RIMBP2: variants seen among roughly 807,000 people sequenced by gnomAD.
RIMBP2 encodes RIMS-binding protein 2.
In RIMBP2, 48 loss-of-function variants were observed where a neutral mutation model predicts 118.6. The observed-to-expected ratio is 0.40, with a 90% CI of 0.32 to 0.51. The LOEUF (loss-of-function observed/expected upper bound fraction) is 0.51, where lower values mean the gene tolerates loss of function less well. RIMBP2 is among the 20% of genes least tolerant of loss of function. RIMBP2 has a pLI of 0.41. For synonymous variants in RIMBP2, 762 were observed against 742.9 expected (o/e 1.03, Z -0.42); for missense variants, 1,551 against 1,768.3 (o/e 0.88, Z 2.20).
At chr12:130,570,428 A>T (rs2057543614) in intron 2 of RIMBP2, among the ~76,000 whole-genome samples, 1 of 152,208 alleles carries the variant, frequency 6.6e-6, no homozygotes, top group Non-Finnish European at 1.5e-5. Flanking sequence ...TCTGTCTCAA[A>T]AAAAGAGACC....
At chr12:130,614,241 G>A (rs1040172831) in intron 2 of RIMBP2, among the ~76,000 whole-genome samples, 2 of 152,096 alleles carry the variant, frequency 1.3e-5, no homozygotes, top group Admixed American at 1.3e-4. Context: ...AGTTACTTAC[G>A]GCCAAGGACT....
chr12:130,474,945 T>C (rs993051817), intron 5 of RIMBP2, among the ~76,000 whole-genome samples: 17 of 152,332 alleles, frequency 1.1e-4, no homozygotes, highest in African/African-American at 3.8e-4. Context: ...TAAACGTCTG[T>C]TGAGTGAATG....
Position 130,678,467 on chromosome 12 carries a change from C to T in RIMBP2, c.-352+37755G>A, listed in dbSNP as rs1479987802. 3.3e-5 allele frequency among the ~76,000 whole-genome samples: 5 copies of T among 152,204 alleles called. No homozygotes were observed. In the East Asian group the frequency reaches 5.8e-4, roughly 18 times the overall value. On this transcript the variant is annotated intron_variant, in intron 1 of 22. Transcript: ENST00000690449. Reference sequence around the variant, plus strand: ...ACAGCGTGGGTGCACCTTGGAAACACGACACCCAGTCAAAGGAGCCAGGCA... The same window carrying T: ...ACAGCGTGGGTGCACCTTGGAAACATGACACCCAGTCAAAGGAGCCAGGCA...
intron 1 of RIMBP2, among the ~76,000 whole-genome samples, chr12:130,632,554 A>G (rs536800719): frequency 1.2e-4 from 18 of 152,164 alleles, no homozygotes; most frequent in African/African-American, 3.9e-4. Flanking sequence ...TGCTTTTTCA[A>G]CCACCCTGTT....
chr12:130,432,425 A>G (rs1258783240), intron 14 of RIMBP2, among the ~76,000 whole-genome samples: 1 of 152,180 alleles, frequency 6.6e-6, no homozygotes, highest in Non-Finnish European at 1.5e-5. Context: ...AACCTGTGCT[A>G]TCGTGGCAGG....
At chr12:130,642,664 G>C (rs1476331407) in intron 1 of RIMBP2, among the ~76,000 whole-genome samples, 2 of 152,196 alleles carry the variant, frequency 1.3e-5, no homozygotes. Context: ...CGACTAACAT[G>C]CATCTATCCT....
chr12:130,702,414 G>T (rs919309210), intron 1 of RIMBP2, among the ~76,000 whole-genome samples: 1 of 152,106 alleles, frequency 6.6e-6, no homozygotes, highest in East Asian at 1.9e-4. Context: ...TACTTGGGAG[G>T]CTGAAGCAGA....
At chr12:130,699,083 T>G (rs2065712841) in intron 1 of RIMBP2, among the ~76,000 whole-genome samples, 1 of 152,102 alleles carries the variant, frequency 6.6e-6, no homozygotes, top group Admixed American at 6.6e-5. Flanking sequence ...AGGAAATAGG[T>G]GCTGGAGAGG....
chr12:130,449,866 A>T (rs959029765), intron 9 of RIMBP2, among the ~76,000 whole-genome samples: 2 of 151,938 alleles, frequency 1.3e-5, no homozygotes, highest in African/African-American at 4.8e-5. Context: ...CGGCAGCCAG[A>T]AGAGGAAAGA....
intron 1 of RIMBP2, among the ~76,000 whole-genome samples, chr12:130,678,768 C>A (rs956967186): frequency 6.6e-6 from 1 of 152,204 alleles, no homozygotes; most frequent in Non-Finnish European, 1.5e-5. Context: ...TCCAGCCCTC[C>A]TCAGCCTCCC....
At chr12:130,711,791 T>C (rs1273503400) in intron 1 of RIMBP2, among the ~76,000 whole-genome samples, 2 of 152,254 alleles carry the variant, frequency 1.3e-5, no homozygotes, top group African/African-American at 4.8e-5. Flanking sequence ...TTAACAAGGA[T>C]GCGTTCGGAG....
rs61936790 is a variant in RIMBP2, at chr12:130,646,094, T to G, written c.-351-17638A>C. Among the ~76,000 whole-genome samples, 140 of 51,092 alleles carry G rather than the reference T, an allele frequency of 2.7e-3. 1 individual carries two copies. Among genetic ancestry groups the G allele is most frequent in the Middle Eastern group, 0.013 (1 of 80 alleles). The allele number at this position is 51,092 out of a possible 152,430, so 33.5% of individuals were successfully genotyped here. On this transcript the variant is annotated intron_variant, in intron 1 of 22. Transcript: ENST00000690449. Reference sequence around the variant, plus strand: ...CTCCACCTCCCTCACCACTTCCCTCTCCACCTCCCTCTCCACCTCCCTCAC... The same window carrying G: ...CTCCACCTCCCTCACCACTTCCCTCGCCACCTCCCTCTCCACCTCCCTCAC...
At chr12:130,607,703 A>G (rs2060273904) in intron 2 of RIMBP2, among the ~76,000 whole-genome samples, 1 of 152,044 alleles carries the variant, frequency 6.6e-6, no homozygotes, top group African/African-American at 2.4e-5. Flanking sequence ...CATTGGTCAG[A>G]AACTGCTCGG....
intron 2 of RIMBP2, among the ~76,000 whole-genome samples, chr12:130,602,124 C>T (rs1007223242): frequency 6.6e-6 from 1 of 152,134 alleles, no homozygotes; most frequent in African/African-American, 2.4e-5. Flanking sequence ...TATGGCAAAA[C>T]CTCGTCTCTA....
chr12:130,623,502 T>C lies in RIMBP2; in HGVS notation c.-217+4820A>G, dbSNP rs182893250. Among the ~76,000 whole-genome samples the C allele has an allele frequency of 4.3e-4, 66 of 152,106 alleles. No homozygotes were observed. In the East Asian group the frequency reaches 0.012, roughly 28 times the overall value. On this transcript the variant is annotated intron_variant, in intron 2 of 22. Coordinates refer to ENST00000690449, the MANE Select transcript of RIMBP2 (RefSeq NM_001393629.1). This position sits in a 1 kb window ranked among gnomAD's most constrained non-coding sequence, Gnocchi z 4.1. Reference sequence around the variant, plus strand: ...ACAAGTATGTTCCCTGCTGTAGTACTGATAATAATTAGGCATGGTTAGGGG... The same window carrying C: ...ACAAGTATGTTCCCTGCTGTAGTACCGATAATAATTAGGCATGGTTAGGGG...
chr12:130,492,912 T>A (rs1388377817), intron 4 of RIMBP2, among the ~76,000 whole-genome samples: 1 of 152,206 alleles, frequency 6.6e-6, no homozygotes, highest in Non-Finnish European at 1.5e-5. Flanking sequence ...GGTGGATTGC[T>A]TGAGTCCAGA....
At position 130,410,435 on chromosome 12, in the gene RIMBP2, C is replaced by T. The variant is rs539720901; in HGVS notation, c.3589+2184G>A. On this transcript the variant is annotated intron_variant, in intron 19 of 22. Coordinates refer to ENST00000690449, the MANE Select transcript of RIMBP2 (RefSeq NM_001393629.1). ...TGTTTTAATGTCCTGTCAAAGAAAT[C>T]GTTGCCTGATTATTATAAAGTTTTC... is the stretch of plus-strand genomic sequence containing the variant. Among the ~76,000 whole-genome samples the T allele has an allele frequency of 3.3e-5, 5 of 152,192 alleles. No homozygotes were observed. The East Asian group carries it at 7.7e-4, about 24-fold the overall frequency.
At chr12:130,478,653 G>A (rs2081655570) in intron 5 of RIMBP2, among the ~76,000 whole-genome samples, 1 of 152,254 alleles carries the variant, frequency 6.6e-6, no homozygotes, top group Non-Finnish European at 1.5e-5. Flanking sequence ...CTCTACGCAT[G>A]TGTTTTTCCC....
At chr12:130,545,714 C>T (rs866939286) in intron 2 of RIMBP2, among the ~76,000 whole-genome samples, 4 of 152,168 alleles carry the variant, frequency 2.6e-5, no homozygotes, top group African/African-American at 9.7e-5. Context: ...GAGAGGGGAG[C>T]GCCGTGCTAA....
Sources: allele counts gnomAD v4.1 joint callset (sites outside exome capture counted in the v4.1 genomes callset), GRCh38; gene constraint gnomAD v4.1.1; non-coding constraint Gnocchi (gnomAD v3.1); transcripts MANE v1.5; gene names NCBI Gene and HGNC (gene_info 2026-07-23, HGNC 2026-07-21).